The following SPATA16 variants were observed in gnomAD, a reference collection of about 807,000 sequenced individuals.
SPATA16 encodes the protein spermatogenesis associated 16, also known as spermatogenesis-associated protein 16.
Under a neutral mutation model 63.3 loss-of-function variants are expected in SPATA16, and 36 were observed. That is an observed-to-expected ratio of 0.57 (90% CI 0.44 to 0.75). The LOEUF (loss-of-function observed/expected upper bound fraction) is 0.75. Ranked by LOEUF, SPATA16 falls within the 30% of genes least tolerant of loss-of-function variation. The pLI, the probability that SPATA16 is intolerant of heterozygous loss-of-function variation, is 0.00. For synonymous variants in SPATA16, 203 were observed against 216.7 expected, an observed-to-expected ratio of 0.94 and a Z score of 0.56; for missense variants, 646 against 679.3, an observed-to-expected ratio of 0.95 and a Z score of 0.54.
At chr3:172,985,703 G>C (rs1469932591) in intron 4 of SPATA16, among the ~76,000 whole-genome samples, 1 of 152,170 alleles carries the variant, frequency 6.6e-6, no homozygotes, top group Non-Finnish European at 1.5e-5. Context: ...TGAAGAAAAG[G>C]TAGCAGGTTT....
chr3:173,006,975 T>A (rs952547664), intron 4 of SPATA16, among the ~76,000 whole-genome samples: 2 of 152,252 alleles, frequency 1.3e-5, no homozygotes, highest in Admixed American at 6.5e-5. Context: ...ATGTGTCTCG[T>A]CTTAGGCTAG....
chr3:173,117,035 A>C (rs1737915892), intron 2 of SPATA16, 85 bp downstream of exon 2: 1 of 1,314,410 alleles, frequency 7.6e-7, no homozygotes, highest in South Asian at 1.2e-5. Context: ...TGCTTATTAC[A>C]GTATGGCCAG....
chr3:173,047,859 A>T (rs371334580), intron 3 of SPATA16, among the ~76,000 whole-genome samples: 7 of 152,118 alleles, frequency 4.6e-5, no homozygotes, highest in Admixed American at 6.6e-5. Flanking sequence ...CTTAAGAGGG[A>T]GAATGGCTTT....
chr3:173,134,706 C>T (rs1738492457), intron 1 of SPATA16, among the ~76,000 whole-genome samples: 1 of 152,126 alleles, frequency 6.6e-6, no homozygotes, highest in African/African-American at 2.4e-5. Context: ...ATTACCCAGT[C>T]TCAGGTATTC....
At chr3:173,065,509 C>CCA (rs1736497620) in intron 2 of SPATA16, among the ~76,000 whole-genome samples, 1 of 152,112 alleles carries the variant, frequency 6.6e-6, no homozygotes, top group African/African-American at 2.4e-5. Flanking sequence ...TAACAACTAC[C>CCA]CACACAGGAA....
chr3:173,069,112 G>GA (rs541801266), intron 2 of SPATA16, among the ~76,000 whole-genome samples: 28,050 of 109,018 alleles, frequency 0.26, 3,463 homozygotes, highest in South Asian at 0.33. Flanking sequence ...TCCGTCTCAA[G>GA]AAAAAAAAAA....
chr3:173,137,217 A>C (rs1878005), intron 1 of SPATA16, among the ~76,000 whole-genome samples: 1 of 152,104 alleles, frequency 6.6e-6, no homozygotes, highest in African/African-American at 2.4e-5. Flanking sequence ...GCCTAGAGGA[A>C]GAGATGAATC....
At chr3:172,898,856 A>AT (rs1233511156) in intron 10 of SPATA16, among the ~76,000 whole-genome samples, 1 of 151,346 alleles carries the variant, frequency 6.6e-6, no homozygotes, top group Admixed American at 6.6e-5. Flanking sequence ...AGTGCTATAC[A>AT]TTTTTCTCTC....
At chr3:172,963,857 A>G (rs2108241475) in intron 5 of SPATA16, among the ~76,000 whole-genome samples, 1 of 152,312 alleles carries the variant, frequency 6.6e-6, no homozygotes, top group Non-Finnish European at 1.5e-5. Context: ...TGAAAGCAAG[A>G]TGAGAGCCCA....
At chr3:173,069,112 G>GAAGAAAAAAAAAAAAAAA (rs1736603715) in intron 2 of SPATA16, among the ~76,000 whole-genome samples, 1 of 109,178 alleles carries the variant, frequency 9.2e-6, no homozygotes, top group African/African-American at 3.7e-5. Context: ...TCCGTCTCAA[G>GAAGAAAAAAAAAAAAAAA]AAAAAAAAAA....
At chr3:172,932,880 T>C (rs1381168447) in intron 6 of SPATA16, among the ~76,000 whole-genome samples, 7 of 152,336 alleles carry the variant, frequency 4.6e-5, no homozygotes, top group African/African-American at 1.4e-4. Context: ...CCGAGATTCC[T>C]AATTTTCACT....
intron 2 of SPATA16, among the ~76,000 whole-genome samples, chr3:173,086,214 T>C (rs1737048027): frequency 1.3e-5 from 2 of 152,076 alleles, no homozygotes; most frequent in South Asian, 4.1e-4. Flanking sequence ...TCAGAACTTG[T>C]TATTTGTCTA....
intron 3 of SPATA16, among the ~76,000 whole-genome samples, chr3:173,028,219 A>T (rs1481690485): frequency 6.6e-6 from 1 of 151,578 alleles, no homozygotes; most frequent in Admixed American, 6.6e-5. Context: ...TAACTTGCTG[A>T]TGTTCTTAAA....
chr3:172,982,305 G>T (rs2108255187), intron 4 of SPATA16, among the ~76,000 whole-genome samples: 1 of 152,308 alleles, frequency 6.6e-6, no homozygotes, highest in South Asian at 2.1e-4. Flanking sequence ...AATGGGCTTT[G>T]TCAGTCTAAT....
chr3:172,999,732 A>G (rs1468532826), intron 4 of SPATA16, among the ~76,000 whole-genome samples: 1 of 152,170 alleles, frequency 6.6e-6, no homozygotes, highest in Non-Finnish European at 1.5e-5. Flanking sequence ...CATTTCTGAT[A>G]TTAGTAATAA....
intron 8 of SPATA16, among the ~76,000 whole-genome samples, chr3:172,918,999 G>T (rs1732559954): frequency 6.6e-6 from 1 of 152,170 alleles, no homozygotes; most frequent in Admixed American, 6.5e-5. Flanking sequence ...TGCAAAAAAG[G>T]GGTAGGAAAC....
intron 2 of SPATA16, among the ~76,000 whole-genome samples, chr3:173,081,177 A>G (rs1736914039): frequency 6.6e-6 from 1 of 152,236 alleles, no homozygotes; most frequent in Admixed American, 6.5e-5. Context: ...TAGCTAGCAG[A>G]TGCCTGGCAG....
intron 4 of SPATA16, among the ~76,000 whole-genome samples, chr3:172,997,194 T>C (rs1174303035): frequency 6.6e-6 from 1 of 152,178 alleles, no homozygotes; most frequent in East Asian, 1.9e-4. Flanking sequence ...GCCTTAGTTT[T>C]ATAAGAAACT....
intron 4 of SPATA16, among the ~76,000 whole-genome samples, chr3:172,991,309 T>G (rs552330934): frequency 6.6e-6 from 1 of 152,310 alleles, no homozygotes; most frequent in East Asian, 1.9e-4. Flanking sequence ...ATCCTTTCTC[T>G]ACTAGGATTG....
Sources: gnomAD v4.1 joint callset for allele counts (sites outside exome capture counted in the v4.1 genomes callset) on GRCh38, gnomAD v4.1.1 for gene constraint, MANE v1.5 for transcripts, NCBI Gene and HGNC (gene_info 2026-07-23, HGNC 2026-07-21) for gene names.